The following UBE2K variants were observed in gnomAD, a reference collection of about 807,000 sequenced individuals.
The protein encoded by UBE2K is ubiquitin conjugating enzyme E2 K.
Under a neutral mutation model 30.0 loss-of-function variants are expected in UBE2K, and 6 were observed. The ratio of observed to expected loss-of-function variants is 0.20; its 90% CI spans 0.11 to 0.39. UBE2K has a LOEUF of 0.39. UBE2K is among the 10% of genes least tolerant of loss of function. UBE2K has a pLI of 1.00. For synonymous variants in UBE2K, 86 were observed against 83.7 expected, an observed-to-expected ratio of 1.03 and a Z score of -0.15; for missense variants, 61 against 241.6, an observed-to-expected ratio of 0.25 and a Z score of 4.96.
In UBE2K at chr4:39,782,224, T is replaced by TCACACC; in HGVS notation, c.*3790_*3791insCACACC. ...GGTGTGGCACAGTTTGTCAGTTTGATTATAGGTGTGAGTGGATAGAAATCA... is the reference window on the plus strand; with the variant it reads ...GGTGTGGCACAGTTTGTCAGTTTGATCACACCTATAGGTGTGAGTGGATAGAAATCA... On this transcript the variant is annotated 3_prime_UTR_variant, in exon 7 of 7. Transcript: ENST00000261427. 1 of 359,884 alleles carries TCACACC rather than the reference T, an allele frequency of 2.8e-6. No individual in the cohort carries two copies. The highest frequency in any genetic ancestry group is 5.0e-6 in the Non-Finnish European group (1 of 201,488). 22.3% of individuals were successfully genotyped at this position (359,884 alleles called of 1,614,324 possible).
intron 2 of UBE2K, among the ~76,000 whole-genome samples, chr4:39,742,994 C>A (rs1445612585): frequency 6.6e-6 from 1 of 150,932 alleles, no homozygotes; most frequent in Non-Finnish European, 1.5e-5. Flanking sequence ...TGCAGTGAGC[C>A]AAGATTGTGC....
chr4:39,737,756 G>T (rs1223004000), intron 2 of UBE2K, among the ~76,000 whole-genome samples: 1 of 152,060 alleles, frequency 6.6e-6, no homozygotes, highest in African/African-American at 2.4e-5. Flanking sequence ...AGGTATTATA[G>T]GTTAGAATTT....
At chr4:39,725,015 CT>C (rs1467233788) in intron 1 of UBE2K, among the ~76,000 whole-genome samples, 2 of 151,978 alleles carry the variant, frequency 1.3e-5, no homozygotes, top group African/African-American at 2.4e-5. Flanking sequence ...ATATATTTTT[CT>C]TTTTTAGTTT....
intron 1 of UBE2K, among the ~76,000 whole-genome samples, chr4:39,726,528 C>T (rs780958565): frequency 3.6e-5 from 5 of 138,648 alleles, no homozygotes; most frequent in Non-Finnish European, 6.1e-5. Flanking sequence ...CTGGCCTCCA[C>T]TTTCGGTAGT....
chr4:39,733,931 G>A (rs891492293), intron 1 of UBE2K, among the ~76,000 whole-genome samples: 6 of 152,040 alleles, frequency 3.9e-5, no homozygotes, highest in Non-Finnish European at 7.4e-5. Flanking sequence ...GTGGGAGCAG[G>A]GGGATTGGAG....
At chr4:39,708,063 A>AT (rs1288506883) in intron 1 of UBE2K, among the ~76,000 whole-genome samples, 1 of 151,636 alleles carries the variant, frequency 6.6e-6, no homozygotes, top group African/African-American at 2.4e-5. Context: ...CGCTCAGCTA[A>AT]TTTTGTATTT....
rs948285117 is a variant in UBE2K, at chr4:39,781,734, G to A, written c.*3300G>A. ...ATGTTTAGATAGGAAAAAGGAAGCC[G>A]TCTGTTTACAGTTAACTTTATTTCA... On this transcript the variant is annotated 3_prime_UTR_variant, in exon 7 of 7. Coordinates refer to ENST00000261427, the MANE Select transcript of UBE2K (RefSeq NM_005339.5). The A allele has an allele frequency of 1.0e-5, 4 of 390,254 alleles. No individual in the cohort carries two copies. Among genetic ancestry groups the A allele is most frequent in the East Asian group, 3.6e-5 (1 of 27,708 alleles). The allele number at this position is 390,254 out of a possible 1,614,324, so 24.2% of individuals were successfully genotyped here.
intron 4 of UBE2K, among the ~76,000 whole-genome samples, chr4:39,759,976 G>A (rs1206578951): frequency 1.3e-5 from 2 of 151,910 alleles, no homozygotes; most frequent in African/African-American, 4.8e-5. Context: ...AGGAGTTCAA[G>A]ACCAGCCTGG....
At chr4:39,722,065 T>C (rs1406101786) in intron 1 of UBE2K, among the ~76,000 whole-genome samples, 1 of 152,168 alleles carries the variant, frequency 6.6e-6, no homozygotes, top group African/African-American at 2.4e-5. Flanking sequence ...CAGTCCGGCC[T>C]AGGTGACAGA....
intron 4 of UBE2K, among the ~76,000 whole-genome samples, chr4:39,760,534 GAC>G (rs1711855616): frequency 6.6e-6 from 1 of 152,142 alleles, no homozygotes; most frequent in South Asian, 2.1e-4. Flanking sequence ...ACAAAAGCCA[GAC>G]ACAAAAGAAT....
At chr4:39,770,179 G>T in intron 4 of UBE2K, 1 of 1,608,808 alleles carries the variant, frequency 6.2e-7, no homozygotes, top group Non-Finnish European at 8.5e-7. Flanking sequence ...CTAATGGCAG[G>T]CTTGTGGGCG....
intron 3 of UBE2K, among the ~76,000 whole-genome samples, chr4:39,755,365 T>C (rs939192569): frequency 2.0e-4 from 31 of 152,358 alleles, no homozygotes; most frequent in African/African-American, 6.7e-4. Flanking sequence ...TATTCTCTGT[T>C]GTATTCTCAT....
At chr4:39,732,265 C>T (rs1482816847) in intron 1 of UBE2K, among the ~76,000 whole-genome samples, 1 of 152,166 alleles carries the variant, frequency 6.6e-6, no homozygotes, top group South Asian at 2.1e-4. Flanking sequence ...TTAACTTGTT[C>T]ATAGCTAGTA....
At chr4:39,769,888 T>TCCAAG (rs1712647359) in intron 4 of UBE2K, among the ~76,000 whole-genome samples, 1 of 152,174 alleles carries the variant, frequency 6.6e-6, no homozygotes, top group Admixed American at 6.6e-5. Context: ...CTCCAGCTTC[T>TCCAAG]TGCACTCTCA....
chr4:39,712,047 A>T (rs1443496885), intron 1 of UBE2K, among the ~76,000 whole-genome samples: 1 of 151,560 alleles, frequency 6.6e-6, no homozygotes, highest in Non-Finnish European at 1.5e-5. Flanking sequence ...TCTCAAAAAA[A>T]AATAGTCACT....
intron 4 of UBE2K, among the ~76,000 whole-genome samples, chr4:39,761,749 C>T (rs1299937830): frequency 6.6e-6 from 1 of 152,050 alleles, no homozygotes; most frequent in Non-Finnish European, 1.5e-5. Flanking sequence ...AGAAATGGAA[C>T]AAAAGCATGT....
intron 1 of UBE2K, among the ~76,000 whole-genome samples, chr4:39,716,005 G>A (rs1031326238): frequency 3.9e-5 from 6 of 152,184 alleles, no homozygotes; most frequent in East Asian, 1.9e-4. Flanking sequence ...GTGAGTTCTC[G>A]TGATCATCCA....
chr4:39,765,930 TAC>T, intron 4 of UBE2K, among the ~76,000 whole-genome samples: 1 of 151,842 alleles, frequency 6.6e-6, no homozygotes, highest in Non-Finnish European at 1.5e-5. Context: ...CATACATACA[TAC>T]ATACATACAC....
At chr4:39,746,602 T>C (rs1721001311) in intron 3 of UBE2K, among the ~76,000 whole-genome samples, 1 of 152,214 alleles carries the variant, frequency 6.6e-6, no homozygotes, top group Non-Finnish European at 1.5e-5. Context: ...ACTTGAAACC[T>C]AGAACCTGAC....
Sources: gnomAD v4.1 joint callset for allele counts (sites outside exome capture counted in the v4.1 genomes callset) on GRCh38, gnomAD v4.1.1 for gene constraint, MANE v1.5 for transcripts, NCBI Gene and HGNC (gene_info 2026-07-23, HGNC 2026-07-21) for gene names.